The following PAK5 variants were observed in gnomAD, a reference collection of about 807,000 sequenced individuals.
The protein encoded by PAK5 is p21 (RAC1) activated kinase 5.
In PAK5, 16 loss-of-function variants were observed where a neutral mutation model predicts 65.9. The observed-to-expected ratio is 0.24, with a 90% CI of 0.16 to 0.37. The LOEUF (loss-of-function observed/expected upper bound fraction) is 0.37, where lower values mean the gene tolerates loss of function less well. Among genes scored for constraint, PAK5 ranks in the 10% least tolerant of loss-of-function variants. The pLI, the probability that PAK5 is intolerant of heterozygous loss-of-function variation, is 1.00. For synonymous variants in PAK5, 371 were observed against 354.9 expected (o/e 1.05, Z -0.51); for missense variants, 785 against 903.9 (o/e 0.87, Z 1.69).
chr20:9,700,405 T>C (rs1334867612), intron 2 of PAK5, among the ~76,000 whole-genome samples: 1 of 152,150 alleles, frequency 6.6e-6, no homozygotes, highest in Non-Finnish European at 1.5e-5. Flanking sequence ...AGTGAGACTC[T>C]ATCTCAAAAC....
chr20:9,734,553 C>CACACAT (rs2048368407), intron 1 of PAK5, among the ~76,000 whole-genome samples: 2 of 16,914 alleles, frequency 1.2e-4, no homozygotes, highest in Admixed American at 1.8e-3. Context: ...CGCGCACATG[C>CACACAT]ACACACACAC....
intron 2 of PAK5, among the ~76,000 whole-genome samples, chr20:9,656,854 G>C (rs1373747382): frequency 6.6e-6 from 1 of 152,098 alleles, no homozygotes; most frequent in Non-Finnish European, 1.5e-5. Context: ...GAGATGAAGA[G>C]TCCACAAATC....
chr20:9,611,888 C>T (rs1195086120), intron 3 of PAK5, among the ~76,000 whole-genome samples: 1 of 152,170 alleles, frequency 6.6e-6, no homozygotes, highest in Admixed American at 6.5e-5. Context: ...CACTTTTGTC[C>T]CTTTCCTGCC....
At chr20:9,790,788 T>G (rs537462402) in intron 1 of PAK5, among the ~76,000 whole-genome samples, 2 of 152,256 alleles carry the variant, frequency 1.3e-5, no homozygotes, top group South Asian at 4.2e-4. Flanking sequence ...TGTGAGCCAC[T>G]GCACCCAGTT....
At chr20:9,562,263 G>A (rs2045602677) in intron 6 of PAK5, among the ~76,000 whole-genome samples, 1 of 152,160 alleles carries the variant, frequency 6.6e-6, no homozygotes, top group East Asian at 1.9e-4. Context: ...GGATATATCT[G>A]AGCCACATTC....
At chr20:9,641,941 A>G (rs1262053555) in intron 3 of PAK5, among the ~76,000 whole-genome samples, 2 of 151,932 alleles carry the variant, frequency 1.3e-5, no homozygotes, top group Admixed American at 1.3e-4. Flanking sequence ...CAAGCACCGC[A>G]TGCAGCCCCG....
intron 1 of PAK5, among the ~76,000 whole-genome samples, chr20:9,723,785 C>T (rs966162517): frequency 6.6e-6 from 1 of 152,066 alleles, no homozygotes; most frequent in Admixed American, 6.5e-5. Context: ...GCAAATCCAG[C>T]CAAATCACCC....
chr20:9,669,171 G>T (rs998425314), intron 2 of PAK5, among the ~76,000 whole-genome samples: 2 of 152,068 alleles, frequency 1.3e-5, no homozygotes, highest in African/African-American at 4.8e-5. Context: ...CAAACAGTGG[G>T]CAATATCCAT....
intron 2 of PAK5, among the ~76,000 whole-genome samples, chr20:9,659,205 G>A (rs967847191): frequency 1.3e-5 from 2 of 152,160 alleles, no homozygotes; most frequent in African/African-American, 4.8e-5. Flanking sequence ...TGGAAACACT[G>A]TCAAGTTTAA....
At chr20:9,559,508 G>A (rs1190283857) in intron 6 of PAK5, among the ~76,000 whole-genome samples, 1 of 152,120 alleles carries the variant, frequency 6.6e-6, no homozygotes, top group Non-Finnish European at 1.5e-5. Context: ...CCTCAAGGAG[G>A]ATTTGGCCTT....
At chr20:9,794,592 G>A (rs1360709901) in intron 1 of PAK5, among the ~76,000 whole-genome samples, 1 of 152,062 alleles carries the variant, frequency 6.6e-6, no homozygotes, top group African/African-American at 2.4e-5. Flanking sequence ...GTTGGACATG[G>A]TGGTACTTCT....
intron 1 of PAK5, among the ~76,000 whole-genome samples, chr20:9,829,664 CA>C (rs1376797688): frequency 1.3e-5 from 2 of 152,154 alleles, no homozygotes; most frequent in African/African-American, 4.8e-5. Context: ...GTTACCTGAG[CA>C]GGCCTGATCC....
At position 9,801,955 on chromosome 20, in the gene PAK5, T is replaced by C. The variant is rs6141041; in HGVS notation, c.-162+36807A>G. Among the ~76,000 whole-genome samples, 11 of 152,254 alleles carry C rather than the reference T, an allele frequency of 7.2e-5. No individual in the cohort carries two copies. In the East Asian group the frequency reaches 2.1e-3, roughly 29 times the overall value. On this transcript the variant is annotated intron_variant, in intron 1 of 9. Transcript: ENST00000353224. Reference sequence around the variant, plus strand: ...AAAACAAGGAAGCAAACAGAGCCAATACAAAAATGCTTTATGGTGCTGGCC... The same window carrying C: ...AAAACAAGGAAGCAAACAGAGCCAACACAAAAATGCTTTATGGTGCTGGCC...
At chr20:9,659,586 T>C (rs746720266) in intron 2 of PAK5, among the ~76,000 whole-genome samples, 1 of 152,190 alleles carries the variant, frequency 6.6e-6, no homozygotes, top group Non-Finnish European at 1.5e-5. Context: ...TTTTAAACGA[T>C]AGAGTATTGG....
chr20:9,615,421 G>A (rs1161190188), intron 3 of PAK5, among the ~76,000 whole-genome samples: 1 of 152,266 alleles, frequency 6.6e-6, no homozygotes, highest in South Asian at 2.1e-4. Context: ...ATGTGTAGGG[G>A]CAGGGGGCAT....
intron 2 of PAK5, among the ~76,000 whole-genome samples, chr20:9,668,426 T>C (rs2423401): frequency 0.92 from 139,507 of 152,254 alleles, 64,057 homozygotes; most frequent in African/African-American, 0.97. Context: ...TATAATGTTA[T>C]GTTTATACAC....
At chr20:9,613,416 A>G (rs567225930) in intron 3 of PAK5, among the ~76,000 whole-genome samples, 1 of 152,254 alleles carries the variant, frequency 6.6e-6, no homozygotes, top group African/African-American at 2.4e-5. Context: ...GGGATTGAGG[A>G]GTTGCTGGGA....
At chr20:9,617,713 G>A (rs1016440395) in intron 3 of PAK5, among the ~76,000 whole-genome samples, 3 of 150,116 alleles carry the variant, frequency 2.0e-5, no homozygotes, top group African/African-American at 5.0e-5. Flanking sequence ...CCACCACCAC[G>A]GCCGGCTGAT....
chr20:9,564,028 C>T (rs2045633021), intron 5 of PAK5, among the ~76,000 whole-genome samples: 1 of 152,174 alleles, frequency 6.6e-6, no homozygotes, highest in Non-Finnish European at 1.5e-5. Context: ...ACAAAGAGGT[C>T]AAGCAGCCGT....
Sources: gnomAD v4.1 joint callset for allele counts (sites outside exome capture counted in the v4.1 genomes callset) on GRCh38, gnomAD v4.1.1 for gene constraint, MANE v1.5 for transcripts, NCBI Gene and HGNC (gene_info 2026-07-23, HGNC 2026-07-21) for gene names.